Variants in ARID4A observed in about 807,000 individuals in gnomAD.
The protein encoded by ARID4A is AT-rich interaction domain 4A.
In ARID4A, 39 loss-of-function variants were observed where a neutral mutation model predicts 148.6. The ratio of observed to expected loss-of-function variants is 0.26; its 90% CI spans 0.20 to 0.34. The LOEUF is 0.34. Among genes scored for constraint, ARID4A ranks in the 10% least tolerant of loss-of-function variants. The probability of loss-of-function intolerance (pLI) is 1.00; values close to 1 mark genes in which losing one functional copy is unlikely to be tolerated. For missense variants in ARID4A, 1,265 were observed against 1,449.1 expected, an observed-to-expected ratio of 0.87 and a Z score of 2.06; for synonymous variants, 475 against 481.2, an observed-to-expected ratio of 0.99 and a Z score of 0.17.
At chr14:58,307,815 C>T (rs541819524) in intron 5 of ARID4A, among the ~76,000 whole-genome samples, 80 of 152,184 alleles carry the variant, frequency 5.3e-4, no homozygotes, top group Non-Finnish European at 1.0e-3. Flanking sequence ...AGCAAAACTG[C>T]GTCTCAAAAC....
At chr14:58,331,004 A>G (rs1020749882) in intron 11 of ARID4A, among the ~76,000 whole-genome samples, 106 of 152,238 alleles carry the variant, frequency 7.0e-4, no homozygotes, top group African/African-American at 2.5e-3. Flanking sequence ...CTATTTGAGC[A>G]TGAAAAATAT....
chr14:58,321,913 G>A (rs535529458), intron 7 of ARID4A, among the ~76,000 whole-genome samples: 1 of 152,016 alleles, frequency 6.6e-6, no homozygotes, highest in South Asian at 2.1e-4. Flanking sequence ...GCTGGTTTTT[G>A]TATTAGATAA....
intron 11 of ARID4A, among the ~76,000 whole-genome samples, chr14:58,335,503 G>A (rs1003945640): frequency 6.6e-6 from 1 of 151,740 alleles, no homozygotes. Context: ...AGTAGAGACG[G>A]GGTTTCTCCA....
At chr14:58,302,314 T>C (rs2140129639) in intron 3 of ARID4A, among the ~76,000 whole-genome samples, 1 of 152,246 alleles carries the variant, frequency 6.6e-6, no homozygotes, top group East Asian at 1.9e-4. Flanking sequence ...ACCAACATGG[T>C]GAAATCCTGT....
At chr14:58,309,415 A>G (rs10141690) in intron 5 of ARID4A, among the ~76,000 whole-genome samples, 26,320 of 152,190 alleles carry the variant, frequency 0.17, 2,756 homozygotes, top group African/African-American at 0.29. Context: ...TATCCTTGCC[A>G]TTAAAGATAA....
intron 21 of ARID4A, 106 bp downstream of exon 21, chr14:58,365,728 A>C: frequency 1.0e-6 from 1 of 996,526 alleles, no homozygotes; most frequent in Non-Finnish European, 1.5e-6. Flanking sequence ...TTATAACTGC[A>C]TTTTCATTTA....
At chr14:58,342,521 T>C (rs141316581) in intron 11 of ARID4A, among the ~76,000 whole-genome samples, 181 of 152,336 alleles carry the variant, frequency 1.2e-3, no homozygotes, top group African/African-American at 4.2e-3. Context: ...TTTTGTTTAC[T>C]TGTATTGGGG....
At chr14:58,346,355 A>G (rs1007943291) in intron 12 of ARID4A, 56 bp from the exon 13 acceptor site, 10 of 1,296,392 alleles carry the variant, frequency 7.7e-6, no homozygotes, top group Non-Finnish European at 1.1e-5. Context: ...TTTGTTTTCA[A>G]ATTAGTATTT....
At position 58,372,166 on chromosome 14, in the gene ARID4A, T is replaced by A. The variant is rs1244477039; in HGVS notation, c.*177T>A. The A allele has an allele frequency of 1.9e-6, 1 of 519,096 alleles. No homozygotes were observed. Among genetic ancestry groups the A allele is most frequent in the Admixed American group, 3.7e-5 (1 of 26,710 alleles). The allele number at this position is 519,096 out of a possible 1,614,324, so 32.2% of individuals were successfully genotyped here. A position where few individuals can be genotyped will look rare whatever the true frequency, so the allele number is the denominator to read the frequency against. On this transcript the variant is annotated 3_prime_UTR_variant, in exon 24 of 24. Transcript: ENST00000355431. ...TCTTCTTTTTTCTTGTTGCAAAAAA[T>A]AAGCTGATTAATAAGTGAAGGTTAA...
intron 15 of ARID4A, among the ~76,000 whole-genome samples, chr14:58,349,654 C>T (rs960015047): frequency 1.2e-4 from 19 of 152,018 alleles, no homozygotes; most frequent in African/African-American, 4.6e-4. Flanking sequence ...GCAGAGGTTG[C>T]AGCAAGCTGA....
chr14:58,317,604 A>T (rs1440949270), intron 5 of ARID4A, among the ~76,000 whole-genome samples: 1 of 149,390 alleles, frequency 6.7e-6, no homozygotes, highest in South Asian at 2.1e-4. Context: ...GTTTCTTTTT[A>T]AAAAAACCTT....
chr14:58,314,144 T>C (rs2032247592), intron 5 of ARID4A, among the ~76,000 whole-genome samples: 2 of 152,220 alleles, frequency 1.3e-5, no homozygotes, highest in South Asian at 4.1e-4. Flanking sequence ...TTGGAAAATA[T>C]AAGACATTTC....
At chr14:58,324,257 A>G (rs2033093161) in intron 8 of ARID4A, among the ~76,000 whole-genome samples, 1 of 152,108 alleles carries the variant, frequency 6.6e-6, no homozygotes, top group South Asian at 2.1e-4. Context: ...ATTTTCCAGT[A>G]CTAACTTTTA....
intron 7 of ARID4A, among the ~76,000 whole-genome samples, chr14:58,319,512 C>T (rs1372689806): frequency 7.7e-5 from 9 of 117,474 alleles, no homozygotes; most frequent in African/African-American, 2.6e-4. Context: ...GTATGAATGT[C>T]TATATACTCT....
chr14:58,369,051 A>T (rs953443750), intron 23 of ARID4A, among the ~76,000 whole-genome samples: 1 of 152,194 alleles, frequency 6.6e-6, no homozygotes, highest in African/African-American at 2.4e-5. Flanking sequence ...ATTTAAAAAA[A>T]ATAATAAGGC....
chr14:58,340,459 C>T (rs892378070), intron 11 of ARID4A, among the ~76,000 whole-genome samples: 2 of 152,210 alleles, frequency 1.3e-5, no homozygotes, highest in African/African-American at 4.8e-5. Flanking sequence ...AGGTGATTCT[C>T]CTGTCTCAGC....
At chr14:58,298,834 G>A (rs955558603) in intron 1 of ARID4A, 134 bp downstream of exon 1, 1 of 152,218 alleles carries the variant, frequency 6.6e-6, no homozygotes, top group Non-Finnish European at 1.5e-5. Flanking sequence ...GTGGCACGGC[G>A]AGCGCAAGGG....
intron 12 of ARID4A, 53 bp downstream of exon 12, chr14:58,344,820 T>C (rs1342501927): frequency 7.8e-6 from 10 of 1,277,430 alleles, no homozygotes; most frequent in Non-Finnish European, 1.1e-5. Context: ...ATGTTTACAT[T>C]CTAGGTATAT....
chr14:58,354,688 T>TA (rs201953201), intron 17 of ARID4A, among the ~76,000 whole-genome samples: 47,868 of 123,268 alleles, frequency 0.39, 7,990 homozygotes, highest in East Asian at 0.53. Context: ...GTCTCATAAA[T>TA]AAAAAAAAAA....
Sources: allele counts gnomAD v4.1 joint callset (sites outside exome capture counted in the v4.1 genomes callset), GRCh38; gene constraint gnomAD v4.1.1; transcripts MANE v1.5; gene names NCBI Gene and HGNC (gene_info 2026-07-23, HGNC 2026-07-21).